The following PTGER3 variants were observed in gnomAD, a reference collection of about 807,000 sequenced individuals.
The protein encoded by PTGER3 is prostaglandin E receptor 3, also known as prostaglandin E2 receptor EP3 subtype.
In PTGER3, 22 loss-of-function variants were observed where a neutral mutation model predicts 34.7. The ratio of observed to expected loss-of-function variants is 0.63; its 90% CI spans 0.45 to 0.91. The LOEUF (loss-of-function observed/expected upper bound fraction) is 0.91, where lower values mean the gene tolerates loss of function less well. PTGER3 is among the 40% of genes least tolerant of loss of function. PTGER3 has a pLI of 0.00. For synonymous variants in PTGER3, 241 were observed against 230.1 expected, an observed-to-expected ratio of 1.05 and a Z score of -0.43; for missense variants, 468 against 519.4, an observed-to-expected ratio of 0.90 and a Z score of 0.96.
chr1:70,932,086 C>T (rs557268723), intron 4 of PTGER3, among the ~76,000 whole-genome samples: 24 of 152,184 alleles, frequency 1.6e-4, no homozygotes, highest in Non-Finnish European at 2.6e-4. Flanking sequence ...AATCATCTCT[C>T]TCAAGTTCAA....
chr1:70,972,409 T>A (rs847734), intron 3 of PTGER3, among the ~76,000 whole-genome samples: 119,287 of 151,966 alleles, frequency 0.78, 47,187 homozygotes, highest in East Asian at 0.94. Context: ...AGCAAATTTT[T>A]TCACACACGG....
rs375720536 is a variant in PTGER3, at chr1:70,874,101, CA to C, written c.*24-21243del. Among the ~76,000 whole-genome samples, 169 of 152,200 alleles carry C rather than the reference CA, an allele frequency of 1.1e-3. 1 individual carries two copies. Among genetic ancestry groups the C allele is most frequent in the African/African-American group, 3.6e-3 (149 of 41,536 alleles). On this transcript the variant is annotated intron_variant, in intron 4 of 4. Coordinates refer to the PTGER3 transcript ENST00000370931. ...ACCAAAAAACAAACATACAAACAAACAAACAAACAAAACTTTGTGTCTCTTT... is the reference window on the plus strand; with the variant it reads ...ACCAAAAAACAAACATACAAACAAACAACAAACAAAACTTTGTGTCTCTTT...
At chr1:70,993,614 C>G (rs888925576) in intron 2 of PTGER3, among the ~76,000 whole-genome samples, 1 of 152,122 alleles carries the variant, frequency 6.6e-6, no homozygotes, top group Non-Finnish European at 1.5e-5. Flanking sequence ...GAAAGATTTT[C>G]AGGAATGACT....
At chr1:71,044,988 C>T (rs2982411) in intron 1 of PTGER3, among the ~76,000 whole-genome samples, 4,666 of 152,202 alleles carry the variant, frequency 0.031, 241 homozygotes, top group African/African-American at 0.11. Context: ...TCCTAGTTGG[C>T]CACCTGTACA....
intron 2 of PTGER3, among the ~76,000 whole-genome samples, chr1:71,000,382 CATAAAATGGT>C (rs1376388658): frequency 3.9e-5 from 6 of 152,188 alleles, no homozygotes; most frequent in Non-Finnish European, 7.3e-5. Context: ...TGTAGGTGCT[CATAAAATGGT>C]ATCTGCCACT....
rs1653487130 is a variant in PTGER3 at position 70,974,487 on chromosome 1, A to G, written c.1078-99T>C. 1.2e-5 allele frequency: 8 copies of G among 670,232 alleles called. No individual in the cohort carries two copies. In the East Asian group the frequency reaches 1.9e-4, roughly 16 times the overall value. 41.5% of individuals were successfully genotyped at this position (670,232 alleles called of 1,614,324 possible). A position where few individuals can be genotyped will look rare whatever the true frequency, so the allele number is the denominator to read the frequency against. On this transcript the variant is annotated intron_variant, in intron 2 of 3. Transcript: ENST00000306666. Reference sequence around the variant, plus strand: ...TATCAAAGTCACATTGGCTATGATCAATATGGATGTTTTAGATATTACCTT... The same window carrying G: ...TATCAAAGTCACATTGGCTATGATCGATATGGATGTTTTAGATATTACCTT...
At chr1:71,011,813 G>A in intron 2 of PTGER3, 4 of 996,400 alleles carry the variant, frequency 4.0e-6, no homozygotes, top group Non-Finnish European at 4.8e-6. Flanking sequence ...AGAGAACACA[G>A]CAATGTCTTT....
At chr1:70,954,405 T>C (rs1651098189) in intron 2 of PTGER3, among the ~76,000 whole-genome samples, 2 of 152,150 alleles carry the variant, frequency 1.3e-5, no homozygotes, top group Non-Finnish European at 2.9e-5. Flanking sequence ...TTTGGCAGGA[T>C]CTTCTGTGGG....
At chr1:71,002,800 T>A (rs1656609332) in intron 2 of PTGER3, among the ~76,000 whole-genome samples, 1 of 152,228 alleles carries the variant, frequency 6.6e-6, no homozygotes, top group Non-Finnish European at 1.5e-5. Context: ...GGTCAAGAAA[T>A]GTTGAAACTA....
At chr1:70,893,551 G>A (rs910990530) in intron 4 of PTGER3, among the ~76,000 whole-genome samples, 5 of 152,186 alleles carry the variant, frequency 3.3e-5, no homozygotes, top group African/African-American at 4.8e-5. Context: ...TAGGTGACAA[G>A]AGCACAGACA....
At chr1:70,929,856 C>T (rs897296599) in intron 4 of PTGER3, among the ~76,000 whole-genome samples, 1 of 151,872 alleles carries the variant, frequency 6.6e-6, no homozygotes, top group Non-Finnish European at 1.5e-5. Context: ...TATTCTGTTT[C>T]AAGAAAAAAG....
chr1:70,964,226 T>G (rs989479553), intron 2 of PTGER3, among the ~76,000 whole-genome samples: 5 of 152,150 alleles, frequency 3.3e-5, no homozygotes, highest in Admixed American at 3.3e-4. Flanking sequence ...TTCCAAACTT[T>G]CCCACATTTT....
At chr1:71,011,976 C>A in intron 2 of PTGER3, 2 of 1,335,000 alleles carry the variant, frequency 1.5e-6, no homozygotes, top group Non-Finnish European at 9.6e-7. Context: ...ATCACATATT[C>A]AGCTACGAAT....
At chr1:71,031,589 G>T (rs540816563) in intron 1 of PTGER3, among the ~76,000 whole-genome samples, 22 of 152,216 alleles carry the variant, frequency 1.4e-4, no homozygotes, top group African/African-American at 5.1e-4. Flanking sequence ...AAAGAAGAAG[G>T]GGGTTTTTAG....
chr1:70,920,036 C>A (rs576709994), intron 4 of PTGER3, among the ~76,000 whole-genome samples: 42 of 152,192 alleles, frequency 2.8e-4, no homozygotes, highest in Non-Finnish European at 4.9e-4. Context: ...TTGTCTTTTG[C>A]AAATACTCTG....
intron 4 of PTGER3, among the ~76,000 whole-genome samples, chr1:70,922,675 C>G (rs1261142365): frequency 6.6e-6 from 1 of 151,594 alleles, no homozygotes; most frequent in Admixed American, 6.6e-5. Context: ...GTATCTGAGA[C>G]TACTAAAAAA....
At position 70,868,327 on chromosome 1, in the gene PTGER3, T is replaced by A. The variant is rs532288564; in HGVS notation, c.*24-15468A>T. Among the ~76,000 whole-genome samples, 125 of 152,316 alleles carry A rather than the reference T, an allele frequency of 8.2e-4. 1 individual carries two copies. The highest frequency in any genetic ancestry group is 3.4e-3 in the Middle Eastern group (1 of 294). On this transcript the variant is annotated intron_variant, in intron 4 of 4. Transcript: ENST00000370931. ...TCTGAATACTTCTGCTACTTATAGTTATAAATCACTTATAATTGTCTATTG... is the reference window on the plus strand; with the variant it reads ...TCTGAATACTTCTGCTACTTATAGTAATAAATCACTTATAATTGTCTATTG...
chr1:70,905,458 C>T (rs918813897), intron 4 of PTGER3, among the ~76,000 whole-genome samples: 8 of 152,190 alleles, frequency 5.3e-5, no homozygotes, highest in African/African-American at 1.9e-4. Context: ...AGGCTGTACC[C>T]TGCAGATCCA....
At chr1:71,030,503 T>C (rs1488282667) in intron 1 of PTGER3, among the ~76,000 whole-genome samples, 1 of 152,194 alleles carries the variant, frequency 6.6e-6, no homozygotes, top group Non-Finnish European at 1.5e-5. Context: ...AAAAGAATAA[T>C]ATATGTGACT....
Sources: gnomAD v4.1 joint callset for allele counts (sites outside exome capture counted in the v4.1 genomes callset) on GRCh38, gnomAD v4.1.1 for gene constraint, MANE v1.5 for transcripts, NCBI Gene and HGNC (gene_info 2026-07-23, HGNC 2026-07-21) for gene names.